Variants in RBMS3 observed in about 807,000 individuals in gnomAD.
RBMS3 encodes the protein RNA binding motif single stranded interacting protein 3.
A neutral mutation model predicts 66.8 loss-of-function variants in RBMS3; 27 were observed. That is an observed-to-expected ratio of 0.40 (90% CI 0.30 to 0.56). The LOEUF is 0.56. Ranked by LOEUF, RBMS3 falls within the 20% of genes least tolerant of loss-of-function variation. RBMS3 has a pLI of 0.40. For missense variants in RBMS3, 513 were observed against 549.5 expected, an observed-to-expected ratio of 0.93 and a Z score of 0.66; for synonymous variants, 188 against 183.0, an observed-to-expected ratio of 1.03 and a Z score of -0.22.
intron 1 of RBMS3, among the ~76,000 whole-genome samples, chr3:29,315,508 A>G (rs1477430148): frequency 6.6e-6 from 1 of 151,788 alleles, no homozygotes. Flanking sequence ...ATACAAAAAT[A>G]TAATTTCCAA....
At chr3:29,928,120 C>T (rs1035063834) in intron 10 of RBMS3, among the ~76,000 whole-genome samples, 1 of 149,240 alleles carries the variant, frequency 6.7e-6, no homozygotes, top group Non-Finnish European at 1.5e-5. Flanking sequence ...AACACTGTTT[C>T]CCTTATAACC....
intron 3 of RBMS3, among the ~76,000 whole-genome samples, chr3:29,508,603 A>C (rs905420314): frequency 6.6e-6 from 1 of 152,080 alleles, no homozygotes; most frequent in Non-Finnish European, 1.5e-5. Context: ...TCTATCATTG[A>C]TGGGCATTTG....
At chr3:29,484,705 A>G (rs1310814952) in intron 2 of RBMS3, among the ~76,000 whole-genome samples, 2 of 152,196 alleles carry the variant, frequency 1.3e-5, no homozygotes, top group Admixed American at 6.5e-5. Flanking sequence ...GATGTATTCC[A>G]TCAGAGAGAT....
At chr3:29,545,143 T>G (rs949657169) in intron 3 of RBMS3, among the ~76,000 whole-genome samples, 1 of 152,132 alleles carries the variant, frequency 6.6e-6, no homozygotes, top group Non-Finnish European at 1.5e-5. Flanking sequence ...GGTTTATTCC[T>G]ACAGTAAGAT....
At chr3:30,003,089 C>T (rs757919724) in intron 14 of RBMS3, among the ~76,000 whole-genome samples, 2 of 151,964 alleles carry the variant, frequency 1.3e-5, no homozygotes, top group South Asian at 4.1e-4. Flanking sequence ...TATAGAGGTC[C>T]TTCTTTCTAT....
chr3:29,904,402 T>G (rs1490930360), intron 10 of RBMS3, among the ~76,000 whole-genome samples: 1 of 151,984 alleles, frequency 6.6e-6, no homozygotes, highest in Non-Finnish European at 1.5e-5. Flanking sequence ...AGAAACAATA[T>G]TACTCTACAA....
intron 4 of RBMS3, among the ~76,000 whole-genome samples, chr3:29,734,141 A>C (rs1377988082): frequency 6.6e-6 from 1 of 152,138 alleles, no homozygotes; most frequent in Non-Finnish European, 1.5e-5. Flanking sequence ...CAAGTCAGGC[A>C]CACAGGAAGA....
At chr3:29,309,073 T>C (rs1306021801) in intron 1 of RBMS3, among the ~76,000 whole-genome samples, 2 of 151,744 alleles carry the variant, frequency 1.3e-5, no homozygotes, top group African/African-American at 2.4e-5. Context: ...ACAGTTCTGT[T>C]GAAAGTGAAA....
intron 1 of RBMS3, among the ~76,000 whole-genome samples, chr3:29,317,672 A>T (rs1178944520): frequency 1.3e-5 from 2 of 151,906 alleles, no homozygotes; most frequent in Non-Finnish European, 2.9e-5. Flanking sequence ...GTGTATTTAC[A>T]TAGTGAAGAT....
intron 6 of RBMS3, among the ~76,000 whole-genome samples, chr3:29,812,317 A>G (rs1383536140): frequency 6.6e-6 from 1 of 152,162 alleles, no homozygotes; most frequent in Non-Finnish European, 1.5e-5. Context: ...ACCCTGCTAC[A>G]AATCGTTCCC....
At chr3:29,459,210 A>G (rs116405830) in intron 2 of RBMS3, among the ~76,000 whole-genome samples, 3 of 152,332 alleles carry the variant, frequency 2.0e-5, no homozygotes, top group African/African-American at 7.2e-5. Flanking sequence ...ATTATCATTA[A>G]GAAGTGATTG....
chr3:29,679,928 T>C (rs896772399), intron 4 of RBMS3, among the ~76,000 whole-genome samples: 1 of 152,088 alleles, frequency 6.6e-6, no homozygotes, highest in Non-Finnish European at 1.5e-5. Flanking sequence ...GCCCTTAAAT[T>C]GCTAAACTGG....
chr3:29,809,989 T>G (rs17024419), intron 6 of RBMS3, among the ~76,000 whole-genome samples: 1 of 152,222 alleles, frequency 6.6e-6, no homozygotes, highest in African/African-American at 2.4e-5. Context: ...TTTACTATTA[T>G]ATTGATCCGG....
Position 29,673,425 on chromosome 3 carries a change from C to CA in RBMS3, c.400-66289dup, listed in dbSNP as rs1248342535. 1.3e-4 allele frequency among the ~76,000 whole-genome samples: 19 copies of CA among 145,140 alleles called. 1 individual carries two copies. Among genetic ancestry groups the CA allele is most frequent in the Admixed American group, 1.3e-3 (19 of 14,608 alleles). ...AGCAGAACTGAAGGAAATAGAGACACAAAAAACCCTTCAAAAAATCAGTGA... is the reference window on the plus strand; with the variant it reads ...AGCAGAACTGAAGGAAATAGAGACACAAAAAAACCCTTCAAAAAATCAGTGA... On this transcript the variant is annotated intron_variant, in intron 4 of 14. Transcript: ENST00000383767.
At chr3:29,783,647 A>G (rs2056718580) in intron 6 of RBMS3, among the ~76,000 whole-genome samples, 1 of 151,950 alleles carries the variant, frequency 6.6e-6, no homozygotes, top group Non-Finnish European at 1.5e-5. Context: ...ATTAAAAAAA[A>G]GTATTTAGTC....
At chr3:29,289,450 T>C (rs182041886) in intron 1 of RBMS3, among the ~76,000 whole-genome samples, 1 of 152,024 alleles carries the variant, frequency 6.6e-6, no homozygotes, top group Non-Finnish European at 1.5e-5. Context: ...TCATTGAAAA[T>C]TATGTTGTAG....
At chr3:29,766,279 G>A (rs759826879) in intron 6 of RBMS3, 1 of 151,864 alleles carries the variant, frequency 6.6e-6, no homozygotes, top group Non-Finnish European at 1.5e-5. Flanking sequence ...ATTTTCCTGA[G>A]ATGATCATCT....
At chr3:29,923,689 T>C (rs549062197) in intron 10 of RBMS3, among the ~76,000 whole-genome samples, 34 of 152,294 alleles carry the variant, frequency 2.2e-4, no homozygotes, top group African/African-American at 8.2e-4. Context: ...TAATTTTAAC[T>C]GGAGGCTGAG....
Position 29,640,685 on chromosome 3 carries a change from C to T in RBMS3, c.399+53480C>T, listed in dbSNP as rs78221736. Among the ~76,000 whole-genome samples, 1,258 of 151,922 alleles carry T rather than the reference C, an allele frequency of 8.3e-3. 21 individuals are homozygous for T. Among genetic ancestry groups the T allele is most frequent in the African/African-American group, 0.028 (1,172 of 41,462 alleles). ...ACATTCATCTGTACAATTCTTTCTG[C>T]TATCAATCATATAGTGGTCCTTGGC... On this transcript the variant is annotated intron_variant, in intron 4 of 14. Transcript: ENST00000383767.
Sources: gnomAD v4.1 joint callset for allele counts (sites outside exome capture counted in the v4.1 genomes callset) on GRCh38, gnomAD v4.1.1 for gene constraint, MANE v1.5 for transcripts, NCBI Gene and HGNC (gene_info 2026-07-23, HGNC 2026-07-21) for gene names.